The following CTNND2 variants were observed in gnomAD, a reference collection of about 807,000 sequenced individuals.
CTNND2 encodes catenin delta 2.
Under a neutral mutation model 144.4 loss-of-function variants are expected in CTNND2, and 22 were observed. The observed-to-expected ratio is 0.15, with a 90% CI of 0.11 to 0.22. The LOEUF (loss-of-function observed/expected upper bound fraction) is 0.22, where lower values mean the gene tolerates loss of function less well. Among genes scored for constraint, CTNND2 ranks in the 10% least tolerant of loss-of-function variants. The pLI is 1.00. For missense variants in CTNND2, 1,353 were observed against 1,618.8 expected, an observed-to-expected ratio of 0.84 and a Z score of 2.82; for synonymous variants, 751 against 695.6, an observed-to-expected ratio of 1.08 and a Z score of -1.25.
At chr5:11,598,886 TA>T (rs138238809) in intron 2 of CTNND2, among the ~76,000 whole-genome samples, 2 of 152,014 alleles carry the variant, frequency 1.3e-5, no homozygotes, top group Admixed American at 6.6e-5. Flanking sequence ...GGTAATCTAT[TA>T]AAAAAAAGAT....
chr5:11,194,750 A>T (rs1409001071), intron 11 of CTNND2, among the ~76,000 whole-genome samples: 1 of 152,246 alleles, frequency 6.6e-6, no homozygotes, highest in South Asian at 2.1e-4. Context: ...TGCCAAAGAG[A>T]TAAAAACAAA....
intron 10 of CTNND2, among the ~76,000 whole-genome samples, chr5:11,232,689 T>C (rs1336084478): frequency 6.6e-6 from 1 of 152,160 alleles, no homozygotes; most frequent in African/African-American, 2.4e-5. Flanking sequence ...ACTTTGGACT[T>C]GGACTTTTGG....
chr5:11,491,606 A>G (rs980451736), intron 3 of CTNND2, among the ~76,000 whole-genome samples: 6 of 152,346 alleles, frequency 3.9e-5, no homozygotes, highest in East Asian at 3.9e-4. Context: ...AATGCAAAGC[A>G]TCTCATATGC....
intron 1 of CTNND2, among the ~76,000 whole-genome samples, chr5:11,829,090 G>T (rs1465657243): frequency 1.3e-5 from 2 of 152,108 alleles, no homozygotes; most frequent in African/African-American, 4.8e-5. Flanking sequence ...GTATCTGGCA[G>T]AAGAAACTTC....
chr5:11,119,887 A>T (rs1237955148), intron 12 of CTNND2, among the ~76,000 whole-genome samples: 1 of 152,172 alleles, frequency 6.6e-6, no homozygotes, highest in Non-Finnish European at 1.5e-5. Flanking sequence ...TCCTTCGAGT[A>T]TCCTTTTTTT....
chr5:11,041,459 A>G (rs1356470396), intron 16 of CTNND2, among the ~76,000 whole-genome samples: 1 of 152,168 alleles, frequency 6.6e-6, no homozygotes, highest in Non-Finnish European at 1.5e-5. Context: ...TCTTAGGCAG[A>G]AGCTCTTTTC....
intron 2 of CTNND2, among the ~76,000 whole-genome samples, chr5:11,681,706 T>C (rs1784428361): frequency 6.6e-6 from 1 of 152,248 alleles, no homozygotes; most frequent in Admixed American, 6.5e-5. Context: ...TAATTCCTAC[T>C]GACCATGCCA....
chr5:11,062,465 T>C (rs9312752), intron 16 of CTNND2, among the ~76,000 whole-genome samples: 3,578 of 152,366 alleles, frequency 0.023, 154 homozygotes, highest in African/African-American at 0.082. Context: ...TGGTGTTTCA[T>C]ACCACACAGT....
chr5:11,508,705 A>G (rs773057232), intron 3 of CTNND2, among the ~76,000 whole-genome samples: 3 of 152,196 alleles, frequency 2.0e-5, no homozygotes, highest in African/African-American at 4.8e-5. Flanking sequence ...TGAGATCATG[A>G]GTTCCAGACC....
intron 1 of CTNND2, among the ~76,000 whole-genome samples, chr5:11,799,437 CTCTT>C (rs1304024505): frequency 6.6e-6 from 1 of 152,260 alleles, no homozygotes; most frequent in East Asian, 1.9e-4. Context: ...AGTTCAATGT[CTCTT>C]TCTTCTTCCT....
At chr5:11,044,375 T>TCAAAC (rs1744998334) in intron 16 of CTNND2, among the ~76,000 whole-genome samples, 1 of 152,076 alleles carries the variant, frequency 6.6e-6, no homozygotes, top group Non-Finnish European at 1.5e-5. Flanking sequence ...GTCAGCCTCA[T>TCAAAC]CAAACCAAAC....
rs148358482 is a variant in CTNND2, at chr5:11,825,006, T to C, written c.37+78811A>G. On this transcript the variant is annotated intron_variant, in intron 1 of 21. Coordinates refer to ENST00000304623, the MANE Select transcript of CTNND2 (RefSeq NM_001332.4). ...CCAACCCAGCTAAACTACTGGATTA[T>C]TGACTTATCCTCCAACACTAACAGA... 4.2e-4 allele frequency among the ~76,000 whole-genome samples: 64 copies of C among 152,314 alleles called. No individual in the cohort carries two copies. In the East Asian group the frequency reaches 0.01, roughly 25 times the overall value.
Position 11,159,606 on chromosome 5 carries a change from T to G in CTNND2, c.2129A>C (p.Gln710Pro). ...DDRKIQLHSS[Q>P]VLRNATGCLR... is the part of the protein sequence containing the mutation. ...GCACCCGGTGGCGTTACGCAGCACC[T>G]GTGATGAATGCAGCTGTATTTTCCG... Residue 710 changes from glutamine to proline, a missense_variant, in exon 12 of 22, where the codon CAG (glutamine) becomes CCG (proline). Transcript: ENST00000304623. 2 of 1,613,038 alleles carry G rather than the reference T, an allele frequency of 1.2e-6. No homozygotes were observed. The highest frequency in any genetic ancestry group is 1.7e-6 in the Non-Finnish European group (2 of 1,179,554).
At chr5:11,891,260 T>C (rs1244951323) in intron 1 of CTNND2, among the ~76,000 whole-genome samples, 1 of 152,206 alleles carries the variant, frequency 6.6e-6, no homozygotes, top group African/African-American at 2.4e-5. Flanking sequence ...AAGCAAAACA[T>C]TTAAACTGAG....
intron 3 of CTNND2, among the ~76,000 whole-genome samples, chr5:11,546,840 A>G (rs1345973794): frequency 6.6e-6 from 1 of 152,206 alleles, no homozygotes; most frequent in African/African-American, 2.4e-5. Context: ...AATTGACACA[A>G]GGCAGATATG....
At chr5:11,670,707 A>G (rs1356684051) in intron 2 of CTNND2, among the ~76,000 whole-genome samples, 4 of 152,138 alleles carry the variant, frequency 2.6e-5, no homozygotes, top group Non-Finnish European at 5.9e-5. Context: ...CAGCACACAG[A>G]TGGGTCTTGA....
intron 9 of CTNND2, among the ~76,000 whole-genome samples, chr5:11,309,203 C>T (rs887431158): frequency 1.3e-5 from 2 of 152,188 alleles, no homozygotes; most frequent in East Asian, 1.9e-4. Context: ...GGCCACTGTC[C>T]TCCAGACCCC....
intron 2 of CTNND2, among the ~76,000 whole-genome samples, chr5:11,687,126 A>G (rs191844048): frequency 5.9e-5 from 9 of 152,252 alleles, no homozygotes; most frequent in African/African-American, 2.2e-4. Context: ...GACTACTCCA[A>G]TAACCTCCAA....
chr5:11,344,648 C>T (rs991489334), intron 9 of CTNND2, among the ~76,000 whole-genome samples: 15 of 151,852 alleles, frequency 9.9e-5, no homozygotes, highest in Admixed American at 3.9e-4. Context: ...ACAAATTTGA[C>T]GCATACAAAA....
Sources: gnomAD v4.1 joint callset for allele counts (sites outside exome capture counted in the v4.1 genomes callset) on GRCh38, gnomAD v4.1.1 for gene constraint, MANE v1.5 for transcripts, NCBI Gene and HGNC (gene_info 2026-07-23, HGNC 2026-07-21) for gene names.